MIB1: variants seen among roughly 807,000 people sequenced by gnomAD.
The protein encoded by MIB1 is MIB E3 ubiquitin protein ligase 1.
A neutral mutation model predicts 124.5 loss-of-function variants in MIB1; 278 were observed. The observed-to-expected ratio is 2.23, with a 90% confidence interval of 2.02 to 2.47. The LOEUF is 2.47. MIB1 is among the 30% of genes most tolerant of loss of function. The pLI, the probability that MIB1 is intolerant of heterozygous loss-of-function variation, is 0.00. For synonymous variants in MIB1, 446 were observed against 429.4 expected (o/e 1.04, Z -0.48); for missense variants, 957 against 1,254.4 (o/e 0.76, Z 3.58).
intron 1 of MIB1, among the ~76,000 whole-genome samples, chr18:21,709,140 C>T (rs2040654211): frequency 1.3e-5 from 2 of 152,012 alleles, no homozygotes; most frequent in African/African-American, 2.4e-5. Flanking sequence ...CACGGTGAAA[C>T]CCCGTCTCTG....
At chr18:21,714,945 C>A (rs894219349) in intron 1 of MIB1, among the ~76,000 whole-genome samples, 6 of 152,166 alleles carry the variant, frequency 3.9e-5, no homozygotes, top group Non-Finnish European at 8.8e-5. Context: ...GGGGGGATCA[C>A]CCCATGGAGG....
At chr18:21,734,695 A>G (rs1342746555) in intron 1 of MIB1, among the ~76,000 whole-genome samples, 1 of 150,950 alleles carries the variant, frequency 6.6e-6, no homozygotes, top group Admixed American at 6.6e-5. Context: ...CGCCTGGCTA[A>G]TTTTTGTATT....
At chr18:21,860,478 A>T (rs565518263) in intron 20 of MIB1, among the ~76,000 whole-genome samples, 78 of 152,260 alleles carry the variant, frequency 5.1e-4, no homozygotes, top group African/African-American at 1.8e-3. Context: ...ACAATAAGAT[A>T]AAAAAATTAG....
At chr18:21,769,356 G>A (rs954693937) in intron 3 of MIB1, among the ~76,000 whole-genome samples, 1 of 152,178 alleles carries the variant, frequency 6.6e-6, no homozygotes, top group Non-Finnish European at 1.5e-5. Context: ...CTTGGAGAAC[G>A]TGAGTCAGGC....
At chr18:21,828,951 A>G in intron 12 of MIB1, 1 of 460,734 alleles carries the variant, frequency 2.2e-6, no homozygotes, top group Non-Finnish European at 4.5e-6. Context: ...ATTCACGTAG[A>G]AAGAAGCAAG....
chr18:21,857,088 A>G lies in MIB1; in HGVS notation c.2666-42A>G, dbSNP rs943321275. ...GCAGAGAAAGGCAACACTCCTATTA[A>G]TGTTCTCTCTTGTAAGAAGTGTCTG... On this transcript the variant is annotated intron_variant, in intron 18 of 20. Transcript: ENST00000261537. 2.3e-5 allele frequency: 30 copies of G among 1,324,652 alleles called. No homozygotes were observed. The Middle Eastern group carries it at 1.1e-3, about 48-fold the overall frequency. The allele number at this position is 1,324,652 out of a possible 1,614,324, so 82.1% of individuals were successfully genotyped here.
At chr18:21,823,421 GAAAAGA>G (rs2041897330) in intron 12 of MIB1, among the ~76,000 whole-genome samples, 1 of 150,194 alleles carries the variant, frequency 6.7e-6, no homozygotes, top group Non-Finnish European at 1.5e-5. Flanking sequence ...AAAAAAGAAA[GAAAAGA>G]AAAGAAAACC....
chr18:21,821,592 TTG>T (rs2041878608), intron 12 of MIB1, among the ~76,000 whole-genome samples: 1 of 147,836 alleles, frequency 6.8e-6, no homozygotes, highest in African/African-American at 2.6e-5. Context: ...TGTGTTTTTT[TTG>T]TTTTTTTTGT....
At chr18:21,810,383 A>AAATC (rs928832678) in intron 10 of MIB1, among the ~76,000 whole-genome samples, 1 of 152,066 alleles carries the variant, frequency 6.6e-6, no homozygotes, top group Non-Finnish European at 1.5e-5. Context: ...AGAAATAGAA[A>AAATC]AATCTATCCA....
chr18:21,722,504 G>T (rs914606963), intron 1 of MIB1, among the ~76,000 whole-genome samples: 1 of 152,042 alleles, frequency 6.6e-6, no homozygotes, highest in Admixed American at 6.6e-5. Flanking sequence ...CTGAGTAGCT[G>T]AGATTACAGG....
chr18:21,792,144 C>T (rs2041512011), intron 7 of MIB1, among the ~76,000 whole-genome samples: 1 of 152,054 alleles, frequency 6.6e-6, no homozygotes, highest in African/African-American at 2.4e-5. Flanking sequence ...ATTACTCTGT[C>T]ACCTTGCCAT....
chr18:21,753,733 G>A (rs1204539442), intron 1 of MIB1, among the ~76,000 whole-genome samples: 2 of 151,886 alleles, frequency 1.3e-5, no homozygotes, highest in Non-Finnish European at 2.9e-5. Flanking sequence ...CTGGAGTGCA[G>A]TGGCGCGATC....
intron 12 of MIB1, chr18:21,826,135 C>A (rs2041922905): frequency 5.9e-6 from 1 of 168,878 alleles, no homozygotes; most frequent in Non-Finnish European, 1.3e-5. Context: ...AACAAATAGA[C>A]CTTGATGTAT....
chr18:21,779,718 A>T, intron 6 of MIB1, 33 bp downstream of exon 6: 7 of 1,523,358 alleles, frequency 4.6e-6, no homozygotes, highest in Non-Finnish European at 6.4e-6. Context: ...TGACAATGAC[A>T]AATAAAACTA....
intron 12 of MIB1, among the ~76,000 whole-genome samples, chr18:21,835,840 A>ACAAACAC (rs1555695330): frequency 0.014 from 1,536 of 108,024 alleles, 30 homozygotes; most frequent in Middle Eastern, 0.032. Context: ...CACACACACA[A>ACAAACAC]ACACACACGA....
At chr18:21,830,495 G>A (rs985052744) in intron 12 of MIB1, 1 of 152,110 alleles carries the variant, frequency 6.6e-6, no homozygotes, top group African/African-American at 2.4e-5. Context: ...CTTGAATTGT[G>A]AAATTAGGCT....
At chr18:21,721,183 T>TG (rs2040714054) in intron 1 of MIB1, among the ~76,000 whole-genome samples, 1 of 118,784 alleles carries the variant, frequency 8.4e-6, no homozygotes, top group East Asian at 2.6e-4. Context: ...TTTTTTTTTT[T>TG]TTTTTTTTTT....
At chr18:21,729,804 A>G (rs2040759749) in intron 1 of MIB1, among the ~76,000 whole-genome samples, 1 of 151,976 alleles carries the variant, frequency 6.6e-6, no homozygotes, top group South Asian at 2.1e-4. Context: ...CCTCTCTTAT[A>G]AAGGCACTAA....
intron 1 of MIB1, among the ~76,000 whole-genome samples, chr18:21,742,539 TACTC>T (rs1273021080): frequency 2.0e-5 from 3 of 152,344 alleles, no homozygotes; most frequent in East Asian, 1.9e-4. Context: ...GTCAGAATCT[TACTC>T]ATTCACCCAG....
Sources: gnomAD v4.1 joint callset for allele counts (sites outside exome capture counted in the v4.1 genomes callset) on GRCh38, gnomAD v4.1.1 for gene constraint, MANE v1.5 for transcripts, NCBI Gene and HGNC (gene_info 2026-07-23, HGNC 2026-07-21) for gene names.